The following ST8SIA4 variants were observed in gnomAD, a reference collection of about 807,000 sequenced individuals.
ST8SIA4 encodes ST8 alpha-N-acetyl-neuraminide alpha-2,8-sialyltransferase 4, also known as CMP-N-acetylneuraminate-poly-alpha-2,8-sialyltransferase.
In ST8SIA4, 15 loss-of-function variants were observed where a neutral mutation model predicts 33.9. That is an observed-to-expected ratio of 0.44 (90% CI 0.30 to 0.68). The LOEUF is 0.68. Ranked by LOEUF, ST8SIA4 falls within the 30% of genes least tolerant of loss-of-function variation. The pLI, the probability that ST8SIA4 is intolerant of heterozygous loss-of-function variation, is 0.10. For missense variants in ST8SIA4, 321 were observed against 428.0 expected (o/e 0.75, Z 2.21); for synonymous variants, 171 against 151.2 (o/e 1.13, Z -0.96).
chr5:100,902,360 C>T (rs3776179), intron 1 of ST8SIA4, among the ~76,000 whole-genome samples: 3,000 of 144,362 alleles, frequency 0.021, 87 homozygotes, highest in East Asian at 0.095. Flanking sequence ...ATCTATCCAA[C>T]GTCAAATAGA....
chr5:100,816,973 C>T (rs555960673), intron 4 of ST8SIA4, among the ~76,000 whole-genome samples: 12 of 149,030 alleles, frequency 8.1e-5, no homozygotes, highest in East Asian at 3.9e-4. Context: ...CTCACTCTGT[C>T]GCTGTGTCAC....
At chr5:100,833,018 A>G (rs547106738) in intron 4 of ST8SIA4, among the ~76,000 whole-genome samples, 10 of 152,264 alleles carry the variant, frequency 6.6e-5, no homozygotes, top group African/African-American at 2.4e-4. Flanking sequence ...ATCTTTAGTC[A>G]GGTAATATAC....
At chr5:100,899,102 T>C (rs1395907606) in intron 1 of ST8SIA4, among the ~76,000 whole-genome samples, 1 of 152,198 alleles carries the variant, frequency 6.6e-6, no homozygotes, top group East Asian at 1.9e-4. Context: ...CACTTCATGG[T>C]ATTAGGTCTC....
chr5:100,846,332 T>C (rs1751572135), intron 4 of ST8SIA4, among the ~76,000 whole-genome samples: 1 of 151,962 alleles, frequency 6.6e-6, no homozygotes, highest in African/African-American at 2.4e-5. Flanking sequence ...ACTTTGCCCA[T>C]TTTTATTCCC....
intron 4 of ST8SIA4, among the ~76,000 whole-genome samples, chr5:100,817,014 C>T (rs772188307): frequency 4.5e-4 from 67 of 150,152 alleles, no homozygotes; most frequent in Admixed American, 1.1e-3. Flanking sequence ...GCAATCTTGG[C>T]TCACTGCAAT....
At chr5:100,825,649 A>G (rs532745574) in intron 4 of ST8SIA4, among the ~76,000 whole-genome samples, 2 of 152,328 alleles carry the variant, frequency 1.3e-5, no homozygotes, top group African/African-American at 4.8e-5. Context: ...CAGGACCATA[A>G]CTGAACTCTG....
intron 4 of ST8SIA4, among the ~76,000 whole-genome samples, chr5:100,831,933 A>G (rs1580453684): frequency 1.3e-5 from 2 of 152,306 alleles, no homozygotes; most frequent in Admixed American, 6.5e-5. Context: ...ATGCAAGTCA[A>G]AAATACTTGA....
At chr5:100,818,170 C>A (rs529500039) in intron 4 of ST8SIA4, among the ~76,000 whole-genome samples, 1 of 152,258 alleles carries the variant, frequency 6.6e-6, no homozygotes, top group East Asian at 1.9e-4. Flanking sequence ...CTGGCTATAA[C>A]TATTTTAATT....
chr5:100,852,104 C>T (rs1751711667), intron 4 of ST8SIA4, among the ~76,000 whole-genome samples: 2 of 142,814 alleles, frequency 1.4e-5, no homozygotes, highest in African/African-American at 5.2e-5. Flanking sequence ...ATCTTATTTG[C>T]TCCACTCTTC....
At chr5:100,816,239 T>C (rs1478203921) in intron 4 of ST8SIA4, among the ~76,000 whole-genome samples, 1 of 152,220 alleles carries the variant, frequency 6.6e-6, no homozygotes, top group Non-Finnish European at 1.5e-5. Flanking sequence ...GAAAAGAAGG[T>C]ACCTAATAAA....
At chr5:100,887,856 G>T (rs1336835168) in intron 2 of ST8SIA4, among the ~76,000 whole-genome samples, 1 of 152,040 alleles carries the variant, frequency 6.6e-6, no homozygotes, top group Non-Finnish European at 1.5e-5. Context: ...TGCATGCTGA[G>T]ATGAAAGGGA....
At chr5:100,861,466 T>A (rs532073836) in intron 3 of ST8SIA4, among the ~76,000 whole-genome samples, 1 of 152,296 alleles carries the variant, frequency 6.6e-6, no homozygotes, top group South Asian at 2.1e-4. Flanking sequence ...GTCATTCCGA[T>A]ACTTCTGTGA....
At chr5:100,892,394 T>C (rs1302480436) in intron 2 of ST8SIA4, among the ~76,000 whole-genome samples, 5 of 152,138 alleles carry the variant, frequency 3.3e-5, no homozygotes, top group Admixed American at 3.3e-4. Flanking sequence ...CAAAGTTAGC[T>C]GTAGAATGCA....
intron 4 of ST8SIA4, among the ~76,000 whole-genome samples, chr5:100,840,340 A>ATG (rs1751447171): frequency 6.6e-6 from 1 of 151,818 alleles, no homozygotes; most frequent in South Asian, 2.1e-4. Flanking sequence ...ATTTATATAT[A>ATG]TGTGTGTGTA....
chr5:100,861,341 T>C (rs576029782), intron 3 of ST8SIA4, among the ~76,000 whole-genome samples: 1 of 152,252 alleles, frequency 6.6e-6, no homozygotes, highest in South Asian at 2.1e-4. Context: ...TTAACATTAC[T>C]GGCAAGGGTG....
At chr5:100,895,582 T>C (rs1440730552) in intron 2 of ST8SIA4, 72 bp downstream of exon 2, 1 of 1,455,158 alleles carries the variant, frequency 6.9e-7, no homozygotes, top group East Asian at 2.3e-5. Context: ...CAGTGTTGAA[T>C]ACAAGTTTGC....
intron 4 of ST8SIA4, among the ~76,000 whole-genome samples, chr5:100,815,242 A>T (rs981844961): frequency 6.6e-6 from 1 of 152,008 alleles, no homozygotes; most frequent in Non-Finnish European, 1.5e-5. Flanking sequence ...GAAAAACATT[A>T]CCTATAATCC....
intron 4 of ST8SIA4, among the ~76,000 whole-genome samples, chr5:100,831,433 A>T (rs1320648749): frequency 6.6e-6 from 1 of 152,208 alleles, no homozygotes; most frequent in South Asian, 2.1e-4. Context: ...GACATAAAAC[A>T]TTTATCAATT....
intron 4 of ST8SIA4, among the ~76,000 whole-genome samples, chr5:100,848,718 T>C (rs961098924): frequency 1.0e-4 from 15 of 150,634 alleles, no homozygotes; most frequent in Non-Finnish European, 1.5e-4. Flanking sequence ...CTACTTCAGA[T>C]ATAGGTTTTC....
Sources: gnomAD v4.1 joint callset for allele counts (sites outside exome capture counted in the v4.1 genomes callset) on GRCh38, gnomAD v4.1.1 for gene constraint, MANE v1.5 for transcripts, NCBI Gene and HGNC (gene_info 2026-07-23, HGNC 2026-07-21) for gene names.